The following AR variants were observed in gnomAD, a reference collection of about 807,000 sequenced individuals.
AR encodes the protein androgen receptor.
AR carries 8 observed loss-of-function variants against 53.9 expected under a neutral mutation model. The ratio of observed to expected loss-of-function variants is 0.15; its 90% CI spans 0.09 to 0.27. AR has a LOEUF of 0.27. Ranked by LOEUF, AR falls within the 10% of genes least tolerant of loss-of-function variation. AR has a pLI of 1.00. For missense variants in AR, 639 were observed against 742.5 expected, an observed-to-expected ratio of 0.86 and a Z score of 1.62; for synonymous variants, 359 against 316.4, an observed-to-expected ratio of 1.13 and a Z score of -1.43.
chrX:67,577,004 CTTTTTTT>C (rs35442632), intron 1 of AR, among the ~76,000 whole-genome samples: 1 of 90,802 alleles, frequency 1.1e-5, no homozygotes, highest in Non-Finnish European at 2.2e-5. Flanking sequence ...CTCTCTCTCT[CTTTTTTT>C]TTTTTTTTTT....
At chrX:67,674,647 A>G (rs751289381) in intron 2 of AR, among the ~76,000 whole-genome samples, 2 of 111,292 alleles carry the variant, frequency 1.8e-5, no homozygotes, top group East Asian at 5.7e-4. Flanking sequence ...GGGGTTCTTT[A>G]GTTAGCTTAT....
chrX:67,670,386 A>C (rs1367716855), intron 2 of AR, among the ~76,000 whole-genome samples: 1 of 102,878 alleles, frequency 9.7e-6, no homozygotes, highest in Non-Finnish European at 2.0e-5. Context: ...AAATATTTTA[A>C]AATAATAATT....
chrX:67,591,038 TG>T (rs748601309), intron 1 of AR, among the ~76,000 whole-genome samples: 3 of 112,035 alleles, frequency 2.7e-5, no homozygotes, highest in Non-Finnish European at 3.8e-5. Flanking sequence ...CACTTTATAT[TG>T]GGTTTCTTCC....
At chrX:67,612,288 G>C (rs949481535) in intron 1 of AR, among the ~76,000 whole-genome samples, 2 of 111,702 alleles carry the variant, frequency 1.8e-5, no homozygotes, top group African/African-American at 6.5e-5. Flanking sequence ...TAAACTGTTT[G>C]GGACTTCAGC....
At chrX:67,723,616 T>C in intron 7 of AR, 70 bp from the exon 8 acceptor site, 1 of 1,145,555 alleles carries the variant, frequency 8.7e-7, no homozygotes, top group Non-Finnish European at 1.2e-6. Flanking sequence ...AAATCAGAGG[T>C]TGGGGAAGAG....
intron 1 of AR, among the ~76,000 whole-genome samples, chrX:67,641,632 A>G (rs1925770186): frequency 9.0e-6 from 1 of 111,389 alleles, no homozygotes; most frequent in Non-Finnish European, 1.9e-5. Context: ...CTTTCTAGTT[A>G]GGGTAGGGAA....
intron 2 of AR, among the ~76,000 whole-genome samples, chrX:67,663,957 T>G (rs112880066): frequency 0.069 from 7,762 of 112,128 alleles, 666 homozygotes; most frequent in African/African-American, 0.24. Flanking sequence ...TCGTGCTGTG[T>G]TTTTCAGCTC....
At chrX:67,576,231 C>G (rs1369726307) in intron 1 of AR, among the ~76,000 whole-genome samples, 7 of 110,953 alleles carry the variant, frequency 6.3e-5, no homozygotes, top group Non-Finnish European at 1.3e-4. Flanking sequence ...ATTTTGGACT[C>G]TCTGGTTAGA....
chrX:67,671,873 G>GT (rs1181038665), intron 2 of AR, among the ~76,000 whole-genome samples: 1 of 111,695 alleles, frequency 9.0e-6, no homozygotes, highest in Non-Finnish European at 1.9e-5. Flanking sequence ...CCCATTGTTT[G>GT]TTTTTGTCAA....
intron 2 of AR, among the ~76,000 whole-genome samples, chrX:67,655,254 G>T (rs1299719890): frequency 1.8e-5 from 2 of 110,327 alleles, no homozygotes; most frequent in South Asian, 7.9e-4. Flanking sequence ...TGTCCTTGAG[G>T]TTCCTTAACT....
chrX:67,652,741 T>C (rs903342478), intron 2 of AR, among the ~76,000 whole-genome samples: 1 of 111,743 alleles, frequency 8.9e-6, no homozygotes, highest in Non-Finnish European at 1.9e-5. Context: ...TCCCTGATAG[T>C]CATCTCTGCC....
chrX:67,549,913 C>A (rs1250574147), intron 1 of AR, among the ~76,000 whole-genome samples: 1 of 112,040 alleles, frequency 8.9e-6, no homozygotes, highest in Non-Finnish European at 1.9e-5. Context: ...AGTTATCAAG[C>A]ATTTTTATGA....
At chrX:67,649,821 T>C (rs995165041) in intron 2 of AR, among the ~76,000 whole-genome samples, 2 of 112,261 alleles carry the variant, frequency 1.8e-5, no homozygotes, top group African/African-American at 6.5e-5. Context: ...TCTCATTCTG[T>C]AGGTTGGTTG....
intron 2 of AR, among the ~76,000 whole-genome samples, chrX:67,664,838 G>A (rs892247456): frequency 4.6e-4 from 52 of 112,494 alleles, no homozygotes; most frequent in Middle Eastern, 4.6e-3. Flanking sequence ...CCCCAGCCTC[G>A]CTGCTGCCTT....
chrX:67,689,159 T>C, intron 3 of AR, among the ~76,000 whole-genome samples: 1 of 111,613 alleles, frequency 9.0e-6, no homozygotes, highest in African/African-American at 3.3e-5. Flanking sequence ...TGATTCTATG[T>C]AAAAAGCCAC....
At chrX:67,598,803 G>C (rs926622557) in intron 1 of AR, among the ~76,000 whole-genome samples, 1 of 109,444 alleles carries the variant, frequency 9.1e-6, no homozygotes, top group Non-Finnish European at 1.9e-5. Flanking sequence ...TTTCTTCTCA[G>C]GGAAAGGTTT....
At position 67,721,870 on chromosome X, in the gene AR, G is replaced by T; in HGVS notation, c.2356G>T (p.Val786Phe). 8.3e-7 allele frequency: 1 copy of T among 1,210,794 alleles called. No individual in the cohort carries two copies. The highest frequency in any genetic ancestry group is 1.1e-6 in the Non-Finnish European group (1 of 895,131). Reference sequence around the variant, plus strand: ...CAAGTCCCGGATGTACAGCCAGTGTGTCCGAATGAGGCACCTCTCTCAAGA... The same window carrying T: ...CAAGTCCCGGATGTACAGCCAGTGTTTCCGAATGAGGCACCTCTCTCAAGA... ...MHKSRMYSQC[V>F]RMRHLSQEFG... The change falls in exon 6 of 8, where the codon GTC (valine) becomes TTC (phenylalanine). Residue 786 changes from valine (V) to phenylalanine (F), a missense_variant. Val to Phe is a conservative substitution (Grantham distance 50). Transcript: ENST00000374690.
At chrX:67,565,908 G>A (rs1921538102) in intron 1 of AR, among the ~76,000 whole-genome samples, 1 of 111,658 alleles carries the variant, frequency 9.0e-6, no homozygotes. Flanking sequence ...GCCCAGGCCG[G>A]TCCTGAATTC....
intron 1 of AR, among the ~76,000 whole-genome samples, chrX:67,618,518 G>A (rs1297632423): frequency 9.0e-6 from 1 of 111,164 alleles, no homozygotes. Flanking sequence ...GCAGCGTCAA[G>A]GCTAGACACT....
Sources: gnomAD v4.1 joint callset for allele counts (sites outside exome capture counted in the v4.1 genomes callset) on GRCh38, gnomAD v4.1.1 for gene constraint, MANE v1.5 for transcripts, NCBI Gene and HGNC (gene_info 2026-07-23, HGNC 2026-07-21) for gene names.